CCDC91: variants seen among roughly 807,000 people sequenced by gnomAD.
CCDC91 encodes the protein coiled-coil domain-containing protein 91.
CCDC91 carries 48 observed loss-of-function variants against 63.2 expected under a neutral mutation model. That is an observed-to-expected ratio of 0.76 (90% CI 0.60 to 0.97). The LOEUF is 0.97. CCDC91 is among the 50% of genes least tolerant of loss of function. The probability of loss-of-function intolerance (pLI) is 0.00; values close to 1 mark genes in which losing one functional copy is unlikely to be tolerated. For synonymous variants in CCDC91, 167 were observed against 165.8 expected (o/e 1.01, Z -0.06); for missense variants, 500 against 494.6 (o/e 1.01, Z -0.10).
intron 7 of CCDC91, among the ~76,000 whole-genome samples, chr12:28,369,045 G>A (rs931458934): frequency 2.6e-5 from 4 of 151,974 alleles, no homozygotes; most frequent in Non-Finnish European, 2.9e-5. Flanking sequence ...TTCTGTCCCT[G>A]GCCCTTCCCA....
intron 7 of CCDC91, among the ~76,000 whole-genome samples, chr12:28,375,400 TTAG>T (rs1944883829): frequency 6.6e-6 from 1 of 151,952 alleles, no homozygotes; most frequent in African/African-American, 2.4e-5. Context: ...TTCAGTCTTC[TTAG>T]AAATATCCAC....
chr12:28,465,178 C>A (rs574799854), intron 11 of CCDC91, among the ~76,000 whole-genome samples: 26 of 152,284 alleles, frequency 1.7e-4, no homozygotes, highest in Non-Finnish European at 3.2e-4. Flanking sequence ...GTTTGAGTTC[C>A]AGCTCAGCCA....
intron 7 of CCDC91, among the ~76,000 whole-genome samples, chr12:28,375,872 A>G (rs1231428567): frequency 1.3e-5 from 2 of 151,842 alleles, no homozygotes; most frequent in Non-Finnish European, 1.5e-5. Context: ...CATCTTATCT[A>G]TTATGTAGAG....
At chr12:28,298,487 G>A (rs1937660342) in intron 3 of CCDC91, among the ~76,000 whole-genome samples, 1 of 150,696 alleles carries the variant, frequency 6.6e-6, no homozygotes, top group Non-Finnish European at 1.5e-5. Context: ...TGACTCCTGG[G>A]GGTTGATTAT....
chr12:28,329,405 T>G (rs942733981), intron 6 of CCDC91, among the ~76,000 whole-genome samples: 2 of 152,150 alleles, frequency 1.3e-5, no homozygotes, highest in Non-Finnish European at 2.9e-5. Flanking sequence ...CCTAAAGATA[T>G]ATTTCATAGG....
intron 6 of CCDC91, among the ~76,000 whole-genome samples, chr12:28,320,775 G>T (rs1940415354): frequency 6.6e-6 from 1 of 151,894 alleles, no homozygotes; most frequent in Non-Finnish European, 1.5e-5. Context: ...TTCAGAGTTT[G>T]GAAATTTGAG....
At chr12:28,526,057 A>G (rs1367717090) in intron 12 of CCDC91, among the ~76,000 whole-genome samples, 1 of 151,500 alleles carries the variant, frequency 6.6e-6, no homozygotes, top group Non-Finnish European at 1.5e-5. Flanking sequence ...GCAATTTTGT[A>G]TCTTTTAAGT....
intron 1 of CCDC91, among the ~76,000 whole-genome samples, chr12:28,249,165 G>A (rs1003606060): frequency 6.6e-6 from 1 of 152,208 alleles, no homozygotes; most frequent in Non-Finnish European, 1.5e-5. Flanking sequence ...CTTTTCTGGA[G>A]AATGAGAGAA....
intron 12 of CCDC91, among the ~76,000 whole-genome samples, chr12:28,509,513 T>C (rs1350835868): frequency 6.6e-6 from 1 of 151,920 alleles, no homozygotes; most frequent in Non-Finnish European, 1.5e-5. Flanking sequence ...ATAATACACA[T>C]CAACAGTTTA....
At chr12:28,250,232 G>A (rs1331032555) in intron 1 of CCDC91, among the ~76,000 whole-genome samples, 9 of 152,042 alleles carry the variant, frequency 5.9e-5, no homozygotes, top group Admixed American at 5.9e-4. Context: ...ATGAAGGTTG[G>A]TAAAGACAGA....
intron 3 of CCDC91, 81 bp downstream of exon 3, chr12:28,259,523 T>A (rs1946684334): frequency 1.2e-6 from 1 of 854,482 alleles, no homozygotes; most frequent in Non-Finnish European, 1.9e-6. Flanking sequence ...ACCCTATTTC[T>A]CAACTTTTTT....
intron 12 of CCDC91, among the ~76,000 whole-genome samples, chr12:28,531,848 T>C (rs969600247): frequency 6.6e-6 from 1 of 152,156 alleles, no homozygotes; most frequent in African/African-American, 2.4e-5. Flanking sequence ...TTCTAGTTTT[T>C]CTTAGGGAGC....
chr12:28,298,540 A>G (rs1008398243), intron 3 of CCDC91, among the ~76,000 whole-genome samples: 3 of 151,180 alleles, frequency 2.0e-5, no homozygotes, highest in Non-Finnish European at 4.4e-5. Flanking sequence ...TTAGAAGTAT[A>G]TTTTTAAGCA....
intron 1 of CCDC91, among the ~76,000 whole-genome samples, chr12:28,204,607 G>A (rs1323842888): frequency 6.6e-6 from 1 of 152,038 alleles, no homozygotes. Context: ...GTCATGTTAG[G>A]TATTTCTAAG....
At chr12:28,443,863 T>A (rs751847441) in intron 8 of CCDC91, among the ~76,000 whole-genome samples, 2 of 152,172 alleles carry the variant, frequency 1.3e-5, no homozygotes, top group Non-Finnish European at 2.9e-5. Context: ...TGTTATTAGG[T>A]CCAATAGTTA....
intron 8 of CCDC91, among the ~76,000 whole-genome samples, chr12:28,427,401 A>G (rs945643156): frequency 2.6e-5 from 4 of 152,158 alleles, no homozygotes; most frequent in Admixed American, 6.6e-5. Flanking sequence ...AACCATGAGA[A>G]GAGCTTTTAT....
chr12:28,485,650 T>G (rs1451633984), intron 12 of CCDC91, among the ~76,000 whole-genome samples: 1 of 152,166 alleles, frequency 6.6e-6, no homozygotes, highest in Non-Finnish European at 1.5e-5. Flanking sequence ...CTTTGTACAG[T>G]TTACCTCAGA....
intron 7 of CCDC91, among the ~76,000 whole-genome samples, chr12:28,385,545 C>T (rs1945546435): frequency 6.6e-6 from 1 of 152,016 alleles, no homozygotes; most frequent in Admixed American, 6.6e-5. Flanking sequence ...TATTGTTCTC[C>T]ATTTGTAAAG....
chr12:28,219,420 A>G (rs1943781088), intron 1 of CCDC91, among the ~76,000 whole-genome samples: 1 of 150,290 alleles, frequency 6.7e-6, no homozygotes, highest in Admixed American at 6.6e-5. Flanking sequence ...TACATTTTTA[A>G]TTTTAAAATT....
Sources: gnomAD v4.1 joint callset for allele counts (sites outside exome capture counted in the v4.1 genomes callset) on GRCh38, gnomAD v4.1.1 for gene constraint, MANE v1.5 for transcripts, NCBI Gene and HGNC (gene_info 2026-07-23, HGNC 2026-07-21) for gene names.